The following VPS35 variants were observed in gnomAD, a reference collection of about 807,000 sequenced individuals.
VPS35 encodes vacuolar protein sorting-associated protein 35.
VPS35 carries 21 observed loss-of-function variants against 98.1 expected under a neutral mutation model. That is an observed-to-expected ratio of 0.21 (90% CI 0.15 to 0.31). VPS35 has a LOEUF of 0.31. VPS35 is among the 10% of genes least tolerant of loss of function. The pLI is 1.00. For missense variants in VPS35, 554 were observed against 950.8 expected (o/e 0.58, Z 5.49); for synonymous variants, 268 against 318.2 (o/e 0.84, Z 1.68).
intron 13 of VPS35, among the ~76,000 whole-genome samples, chr16:46,668,597 A>G (rs1292241990): frequency 6.6e-6 from 1 of 152,188 alleles, no homozygotes; most frequent in Non-Finnish European, 1.5e-5. Flanking sequence ...GCCTTTAGAG[A>G]GAAACGACTG....
Position 46,668,930 on chromosome 16 carries a change from C to CGTG in VPS35, c.1646_1647insCAC (p.Val549_Asp550insThr), listed in dbSNP as rs1247053319. On this transcript the variant is annotated inframe_insertion and splice_region_variant, in exon 13 of 17. Transcript: ENST00000299138. The stretch of plus-strand genomic sequence containing the variant: ...CCTAAATACTTAAAAGTAAACTCAC[C>CGTG]ACTTTAGAATTCTCTTTATATCGAA... 6.2e-7 allele frequency: 1 copy of CGTG among 1,614,042 alleles called. No homozygotes were observed. The highest frequency in any genetic ancestry group is 1.7e-5 in the Admixed American group (1 of 60,020).
rs1349927801 is a variant in VPS35, at chr16:46,658,502, G to A, written c.*1970C>T. On this transcript the variant is annotated 3_prime_UTR_variant, in exon 17 of 17. Transcript: ENST00000299138. ...TTGTTGGTTTATTATTTTTAAAATTGGGTTTACCTCAACCCAGAAAATAAG... is the reference window on the plus strand; with the variant it reads ...TTGTTGGTTTATTATTTTTAAAATTAGGTTTACCTCAACCCAGAAAATAAG... 6.5e-6 allele frequency: 1 copy of A among 153,518 alleles called. No homozygotes were observed. Among genetic ancestry groups the A allele is most frequent in the Non-Finnish European group, 1.5e-5 (1 of 68,012 alleles). The allele number at this position is 153,518 out of a possible 1,614,324, so 9.5% of individuals were successfully genotyped here.
Position 46,660,198 on chromosome 16 carries a change from T to G in VPS35, c.*274A>C, listed in dbSNP as rs1351750818. The G allele has an allele frequency of 4.1e-5, 8 of 196,476 alleles. No homozygotes were observed. The highest frequency in any genetic ancestry group is 1.9e-4 in the African/African-American group (8 of 42,172). The allele number at this position is 196,476 out of a possible 1,614,324, so 12.2% of individuals were successfully genotyped here. On this transcript the variant is annotated 3_prime_UTR_variant, in exon 17 of 17. Coordinates refer to ENST00000299138, the MANE Select transcript of VPS35 (RefSeq NM_018206.6). ...AGTGCTTGTGGGTTTTGTGTTTTTT[T>G]TTTTTTTTTTTTTTACAGATCACAG...
intron 15 of VPS35, 21 bp downstream of exon 15, chr16:46,662,222 T>C: frequency 6.2e-7 from 1 of 1,614,096 alleles, no homozygotes; most frequent in South Asian, 1.1e-5. Flanking sequence ...TCTGCTATCA[T>C]GCAGTCAGGA....
At position 46,656,690 on chromosome 16, in the gene VPS35, C is replaced by T. The variant is rs2143005091; in HGVS notation, c.*3782G>A. 1 of 152,284 alleles carries T rather than the reference C, an allele frequency of 6.6e-6. No individual in the cohort carries two copies. Among genetic ancestry groups the T allele is most frequent in the Admixed American group, 6.5e-5 (1 of 15,300 alleles). 9.4% of individuals were successfully genotyped at this position (152,284 alleles called of 1,614,324 possible). ...ATTTGAAGACACTACTGATGCAAGC[C>T]TGAACACAGCAATGAGTGGTACAAT... On this transcript the variant is annotated 3_prime_UTR_variant, in exon 17 of 17. Coordinates refer to ENST00000299138, the MANE Select transcript of VPS35 (RefSeq NM_018206.6).
At chr16:46,675,778 C>CCATTG (rs1966140703) in intron 8 of VPS35, among the ~76,000 whole-genome samples, 1 of 151,932 alleles carries the variant, frequency 6.6e-6, no homozygotes, top group South Asian at 2.1e-4. Flanking sequence ...AAAAAGCCAC[C>CCATTG]CATTGGCCAA....
intron 5 of VPS35, among the ~76,000 whole-genome samples, chr16:46,680,028 A>T (rs1966210479): frequency 1.3e-5 from 2 of 152,306 alleles, no homozygotes; most frequent in Middle Eastern, 3.4e-3. Flanking sequence ...TAAACTTTTT[A>T]AAAAAGGAAT....
chr16:46,667,471 ATTTTTGCTTAT>A (rs1966006982), intron 13 of VPS35, among the ~76,000 whole-genome samples: 3 of 151,956 alleles, frequency 2.0e-5, no homozygotes, highest in East Asian at 1.9e-4. Flanking sequence ...TATTAAACTT[ATTTTTGCTTAT>A]TTTTTGCTTA....
rs528789560 is a variant in VPS35 at position 46,657,289 on chromosome 16, C to A, written c.*3183G>T. On this transcript the variant is annotated 3_prime_UTR_variant, in exon 17 of 17. Coordinates refer to ENST00000299138, the MANE Select transcript of VPS35 (RefSeq NM_018206.6). ...AGGTCTCCTGCACAGATTTCTCTAC[C>A]TTTCATTTACAATATGCAGTCTGGA... 3.9e-5 allele frequency: 6 copies of A among 152,324 alleles called. No homozygotes were observed. The South Asian group carries it at 1.2e-3, about 32-fold the overall frequency. The allele number at this position is 152,324 out of a possible 1,614,324, so 9.4% of individuals were successfully genotyped here. A position where few individuals can be genotyped will look rare whatever the true frequency, so the allele number is the denominator to read the frequency against.
intron 1 of VPS35, among the ~76,000 whole-genome samples, chr16:46,686,591 T>C (rs1172902245): frequency 2.0e-5 from 3 of 152,346 alleles, no homozygotes; most frequent in South Asian, 2.1e-4. Context: ...TATTTTTATA[T>C]ATTACTCATA....
chr16:46,684,173 G>A (rs1031228057), intron 1 of VPS35, among the ~76,000 whole-genome samples: 4 of 152,164 alleles, frequency 2.6e-5, no homozygotes, highest in Non-Finnish European at 4.4e-5. Context: ...ACTTGCAGTG[G>A]TAGTTCATGG....
chr16:46,671,656 T>C, intron 12 of VPS35, 49 bp downstream of exon 12: 1 of 1,611,848 alleles, frequency 6.2e-7, no homozygotes, highest in East Asian at 2.2e-5. Context: ...CTTGAACATG[T>C]GATTTCACTA....
At chr16:46,678,397 G>T (rs1966183541) in intron 6 of VPS35, among the ~76,000 whole-genome samples, 2 of 151,374 alleles carry the variant, frequency 1.3e-5, no homozygotes, top group African/African-American at 4.9e-5. Context: ...GGCTGTCCTG[G>T]GCTGCAGGTT....
At chr16:46,677,763 T>C (rs752591762) in intron 6 of VPS35, 15 of 250,808 alleles carry the variant, frequency 6.0e-5, no homozygotes, top group Non-Finnish European at 1.1e-4. Context: ...CTCAAACTCC[T>C]GGACTCAAGT....
Position 46,676,487 on chromosome 16 carries a change from G to A in VPS35, c.914+96C>T, listed in dbSNP as rs112581516. The A allele has an allele frequency of 8.7e-4, 687 of 792,936 alleles. 4 individuals are homozygous for A. The African/African-American group carries it at 0.011, about 12-fold the overall frequency. 49.1% of individuals were successfully genotyped at this position (792,936 alleles called of 1,614,324 possible). On this transcript the variant is annotated intron_variant, in intron 8 of 16. Coordinates refer to ENST00000299138, the MANE Select transcript of VPS35 (RefSeq NM_018206.6). The stretch of plus-strand genomic sequence containing the variant: ...ATAATTAAATTAAGATCATTGGTAT[G>A]ATAAAGATGTAACAGAAACAAATAA...
Position 46,661,637 on chromosome 16 carries a change from A to G in VPS35, c.2211+81T>C. On this transcript the variant is annotated intron_variant, in intron 16 of 16. Transcript: ENST00000299138. The surrounding 1 kb of genome is among the most constrained non-coding windows in gnomAD (Gnocchi z 4.3). ...ACAGTGATTAAAGTATCAGAATGAT[A>G]AACTTTTGTACATATCAAATCTCCT... is the stretch of plus-strand genomic sequence containing the variant. The G allele has an allele frequency of 1.5e-6, 2 of 1,297,688 alleles. No individual in the cohort carries two copies. Among genetic ancestry groups the G allele is most frequent in the Admixed American group, 3.9e-5 (2 of 51,306 alleles). The allele number at this position is 1,297,688 out of a possible 1,614,324, so 80.4% of individuals were successfully genotyped here.
chr16:46,672,496 T>C, intron 10 of VPS35, 24 bp from the exon 11 acceptor site: 1 of 1,594,388 alleles, frequency 6.3e-7, no homozygotes, highest in Non-Finnish European at 8.6e-7. Flanking sequence ...AACAGAAGTC[T>C]TAATGAATAA....
Position 46,662,473 on chromosome 16 carries a change from G to A in VPS35, c.1837C>T (p.Leu613=). The change falls in exon 15 of 17, where the codon CTG becomes TTG. Residue 613 remains leucine, a synonymous_variant. Coordinates refer to ENST00000299138, the MANE Select transcript of VPS35 (RefSeq NM_018206.6). ...GAATCGCTGATTTCATCTTCATACA[G>A]AGAAAATGCCTAGTGAACATAAAGC... ...AYEFMSQAFS[L]YEDEISDSKA... The A allele has an allele frequency of 5.0e-6, 8 of 1,613,950 alleles. No homozygotes were observed. The South Asian group carries it at 5.5e-5, about 11-fold the overall frequency.
intron 8 of VPS35, 135 bp downstream of exon 8, chr16:46,676,448 A>G (rs1425185202): frequency 7.1e-6 from 5 of 702,608 alleles, no homozygotes; most frequent in Non-Finnish European, 1.3e-5. Flanking sequence ...TCACAAAGCT[A>G]AATTATTTAT....
Sources: allele counts gnomAD v4.1 joint callset (sites outside exome capture counted in the v4.1 genomes callset), GRCh38; gene constraint gnomAD v4.1.1; non-coding constraint Gnocchi (gnomAD v3.1); transcripts MANE v1.5; gene names NCBI Gene and HGNC (gene_info 2026-07-23, HGNC 2026-07-21).